WIPF1: variants seen among roughly 807,000 people sequenced by gnomAD.
The protein encoded by WIPF1 is WAS/WASL-interacting protein family member 1.
WIPF1 carries 13 observed loss-of-function variants against 35.4 expected under a neutral mutation model. That is an observed-to-expected ratio of 0.37 (90% CI 0.24 to 0.58). The LOEUF (loss-of-function observed/expected upper bound fraction) is 0.58, where lower values mean the gene tolerates loss of function less well. WIPF1 is among the 20% of genes least tolerant of loss of function. WIPF1 has a pLI of 0.74. For synonymous variants in WIPF1, 267 were observed against 266.3 expected (o/e 1.00, Z -0.02); for missense variants, 591 against 667.0 (o/e 0.89, Z 1.25).
intron 1 of WIPF1, among the ~76,000 whole-genome samples, chr2:174,603,222 AATCT>A (rs1686059945): frequency 6.6e-6 from 1 of 152,234 alleles, no homozygotes; most frequent in Non-Finnish European, 1.5e-5. Context: ...TTGAGCCCTG[AATCT>A]ATCTATAACT....
At chr2:174,607,260 G>A (rs1170538032) in intron 1 of WIPF1, among the ~76,000 whole-genome samples, 1 of 151,998 alleles carries the variant, frequency 6.6e-6, no homozygotes, top group East Asian at 1.9e-4. Flanking sequence ...AAAATTAGCT[G>A]GGCGTGGTGG....
chr2:174,682,185 GGTCGACGCAGACCCCTAACGCGCGC>G (rs1407858316), intron 1 of WIPF1, among the ~76,000 whole-genome samples: 5 of 152,234 alleles, frequency 3.3e-5, no homozygotes, highest in East Asian at 1.9e-4. Context: ...ATGTCTCTAA[GGTCGACGCAGACCCCTAACGCGCGC>G]GTCTACGCCG....
At chr2:174,568,808 C>T (rs959508979) in intron 5 of WIPF1, 1 of 152,166 alleles carries the variant, frequency 6.6e-6, no homozygotes, top group African/African-American at 2.4e-5. Context: ...TCTCACAGCA[C>T]TGCTGCCAGG....
chr2:174,670,598 C>T (rs909072588), intron 1 of WIPF1, among the ~76,000 whole-genome samples: 1 of 152,162 alleles, frequency 6.6e-6, no homozygotes, highest in Non-Finnish European at 1.5e-5. Context: ...AATGTTAGCA[C>T]CAATTTTGAG....
intron 1 of WIPF1, among the ~76,000 whole-genome samples, chr2:174,651,902 T>A (rs1464710523): frequency 6.6e-6 from 1 of 152,208 alleles, no homozygotes; most frequent in Non-Finnish European, 1.5e-5. Context: ...GCTAGAACAC[T>A]GGAGCTGGAC....
intron 1 of WIPF1, among the ~76,000 whole-genome samples, chr2:174,646,653 C>G (rs1687415296): frequency 6.6e-6 from 1 of 152,142 alleles, no homozygotes; most frequent in Non-Finnish European, 1.5e-5. Flanking sequence ...GAGATGGAGT[C>G]TCATTCTGTC....
At chr2:174,682,280 G>A (rs943593716) in intron 1 of WIPF1, among the ~76,000 whole-genome samples, 4 of 152,282 alleles carry the variant, frequency 2.6e-5, no homozygotes, top group Admixed American at 6.5e-5. Context: ...AGCGCGGGAG[G>A]GGCACGGTTC....
chr2:174,567,207 C>A (rs1429803241), intron 6 of WIPF1, 24 bp from the exon 7 acceptor site: 12 of 1,600,904 alleles, frequency 7.5e-6, no homozygotes, highest in East Asian at 2.2e-5. Flanking sequence ...CAAGCAGTAT[C>A]TTCAGTGACA....
At position 174,571,978 on chromosome 2, in the gene WIPF1, G is replaced by C. The variant is rs781658089; in HGVS notation, c.827C>G (p.Ser276Cys). ...AGGGGGAACCGCTTCCCTGTGGATG[G>C]AGGGCCTGTTGCCCACTGGAGGAGG... ...PPPPPVGNRP[S>C]IHREAVPPPP... Residue 276 changes from serine (S) to cysteine (C), a missense_variant, in exon 5 of 8, where the codon TCC becomes TGC. Physicochemically the swap from Ser to Cys is moderately radical, Grantham distance 112. Around this residue, in one of 3 missense-constraint regions of WIPF1, gnomAD observed 471 missense variants for 501.1 expected, o/e 0.94. Coordinates refer to ENST00000679041, the MANE Select transcript of WIPF1 (RefSeq NM_001375834.1). The surrounding 1 kb of genome is among the most constrained non-coding windows in gnomAD (Gnocchi z 4.6). The C allele has an allele frequency of 1.9e-5, 29 of 1,559,254 alleles. No homozygotes were observed. In the Middle Eastern group the frequency reaches 5.2e-4, roughly 28 times the overall value.
At chr2:174,624,472 G>A (rs1264755780) in intron 1 of WIPF1, among the ~76,000 whole-genome samples, 8 of 152,190 alleles carry the variant, frequency 5.3e-5, no homozygotes, top group Admixed American at 5.2e-4. Context: ...CAGAGAACCA[G>A]TGAACTAGGG....
chr2:174,635,479 A>G (rs185000829), intron 1 of WIPF1, among the ~76,000 whole-genome samples: 26 of 150,592 alleles, frequency 1.7e-4, no homozygotes, highest in African/African-American at 6.4e-4. Flanking sequence ...CAACAAGCCC[A>G]AGGGCACCAT....
At chr2:174,579,378 A>G (rs1248718162) in intron 3 of WIPF1, among the ~76,000 whole-genome samples, 1 of 152,234 alleles carries the variant, frequency 6.6e-6, no homozygotes, top group African/African-American at 2.4e-5. Context: ...TTAAGCTTTC[A>G]GATTATTTTT....
intron 1 of WIPF1, among the ~76,000 whole-genome samples, chr2:174,620,757 C>T (rs1029201653): frequency 6.6e-6 from 1 of 152,214 alleles, no homozygotes; most frequent in Middle Eastern, 3.4e-3. Context: ...TGGGCAGTAA[C>T]GGGGTGCACA....
intron 1 of WIPF1, among the ~76,000 whole-genome samples, chr2:174,641,266 T>C (rs1051183741): frequency 2.6e-5 from 4 of 152,238 alleles, no homozygotes; most frequent in Admixed American, 6.5e-5. Context: ...ACTCCATTAC[T>C]TTTCCAAGAC....
At chr2:174,643,688 G>A (rs1411097175) in intron 1 of WIPF1, among the ~76,000 whole-genome samples, 1 of 151,940 alleles carries the variant, frequency 6.6e-6, no homozygotes, top group Non-Finnish European at 1.5e-5. Flanking sequence ...GGGATTACAG[G>A]CGTGAGCCAC....
At position 174,571,761 on chromosome 2, in the gene WIPF1, T is replaced by C. The variant is rs1333855589; in HGVS notation, c.1044A>G (p.Leu348=). The C allele has an allele frequency of 6.2e-7, 1 of 1,613,896 alleles. No individual in the cohort carries two copies. The highest frequency in any genetic ancestry group is 8.5e-7 in the Non-Finnish European group (1 of 1,179,966). The change falls in exon 5 of 8, where the codon TTA becomes TTG. Residue 348 remains leucine, a synonymous_variant. Transcript: ENST00000679041. This position sits in a 1 kb window ranked among gnomAD's most constrained non-coding sequence, Gnocchi z 4.6. ...GAGGACCTGAACGTCCTGGCGAAGG[T>C]AACGGGGGCGTGGACGAACTGAGGG... is the stretch of plus-strand genomic sequence containing the variant. ...NLSLSSSTPP[L]PSPGRSGPLP... is the part of the protein sequence containing the mutation.
At chr2:174,611,531 C>T (rs931190969) in intron 1 of WIPF1, among the ~76,000 whole-genome samples, 4 of 152,086 alleles carry the variant, frequency 2.6e-5, no homozygotes, top group Non-Finnish European at 5.9e-5. Context: ...GAGGGTCGTC[C>T]CTCTCTGGGG....
intron 2 of WIPF1, 25 bp from the exon 3 acceptor site, chr2:174,581,464 T>C (rs377404093): frequency 1.2e-6 from 2 of 1,610,448 alleles, no homozygotes; most frequent in Non-Finnish European, 8.5e-7. Flanking sequence ...TACAAACAAG[T>C]AGTCATCTCT....
At chr2:174,644,231 T>G (rs1366077314) in intron 1 of WIPF1, among the ~76,000 whole-genome samples, 1 of 152,196 alleles carries the variant, frequency 6.6e-6, no homozygotes, top group Non-Finnish European at 1.5e-5. Context: ...TTTCAAGAGA[T>G]CAAATACATG....
Sources: gnomAD v4.1 joint callset for allele counts (sites outside exome capture counted in the v4.1 genomes callset) on GRCh38, gnomAD v4.1.1 for gene constraint, gnomAD v4.1.1 regional missense constraint, Gnocchi (gnomAD v3.1) non-coding constraint, MANE v1.5 for transcripts, NCBI Gene and HGNC (gene_info 2026-07-23, HGNC 2026-07-21) for gene names.